The following LIPH variants were observed in gnomAD, a reference collection of about 807,000 sequenced individuals.
The protein encoded by LIPH is lipase H, also known as lipase member H.
LIPH carries 32 observed loss-of-function variants against 47.6 expected under a neutral mutation model. The ratio of observed to expected loss-of-function variants is 0.67; its 90% CI spans 0.51 to 0.90. The LOEUF (loss-of-function observed/expected upper bound fraction) is 0.90, where lower values mean the gene tolerates loss of function less well. Ranked by LOEUF, LIPH falls within the 40% of genes least tolerant of loss-of-function variation. LIPH has a pLI of 0.00. For synonymous variants in LIPH, 190 were observed against 195.6 expected (o/e 0.97, Z 0.24); for missense variants, 497 against 541.4 (o/e 0.92, Z 0.81).
intron 1 of LIPH, among the ~76,000 whole-genome samples, chr3:185,543,951 A>G (rs1178363374): frequency 6.6e-6 from 1 of 150,598 alleles, no homozygotes; most frequent in Non-Finnish European, 1.5e-5. Context: ...CCCGGGTTCA[A>G]GTGATTCTCC....
intron 8 of LIPH, 61 bp downstream of exon 8, chr3:185,514,349 A>G (rs1719659574): frequency 8.7e-6 from 7 of 807,670 alleles, no homozygotes; most frequent in South Asian, 5.3e-5. Context: ...TGGATTTGTG[A>G]TTTAATTTCT....
At chr3:185,535,827 T>C (rs1481002036) in intron 1 of LIPH, among the ~76,000 whole-genome samples, 2 of 152,126 alleles carry the variant, frequency 1.3e-5, no homozygotes, top group African/African-American at 4.8e-5. Flanking sequence ...GGTCTCGAAC[T>C]CCTGACCTAG....
Position 185,511,568 on chromosome 3 carries a change from G to A in LIPH, c.1224C>T (p.Leu408=). ...ACCTTAACTTCATTCGGAGAATCCT[G>A]AGCTTGTACCTTGGGCCTATTAGAG... ...TGSLIGPRYK[L]RILRMKLRSL... Residue 408 remains leucine (L), a synonymous_variant, in exon 9 of 10, where the codon CTC becomes CTT. Transcript: ENST00000296252. The A allele has an allele frequency of 6.2e-7, 1 of 1,614,138 alleles. No individual in the cohort carries two copies. The highest frequency in any genetic ancestry group is 8.5e-7 in the Non-Finnish European group (1 of 1,180,024).
At chr3:185,514,307 G>A (rs1353973247) in intron 8 of LIPH, 103 bp downstream of exon 8, 1 of 731,274 alleles carries the variant, frequency 1.4e-6, no homozygotes, top group East Asian at 2.5e-5. Context: ...ATAGAACAAG[G>A]AAAAGCATAG....
intron 1 of LIPH, among the ~76,000 whole-genome samples, chr3:185,549,994 T>G (rs943500438): frequency 1.3e-5 from 2 of 152,236 alleles, no homozygotes; most frequent in African/African-American, 4.8e-5. Context: ...AGCCATTGCT[T>G]TGTTCACTGG....
At chr3:185,531,556 CAAAAAA>C (rs1204988383) in intron 3 of LIPH, among the ~76,000 whole-genome samples, 1 of 73,142 alleles carries the variant, frequency 1.4e-5, no homozygotes, top group South Asian at 4.4e-4. Context: ...GACTCTGTCT[CAAAAAA>C]AAAAAAAAAA....
At chr3:185,539,669 C>A (rs1488754144) in intron 1 of LIPH, among the ~76,000 whole-genome samples, 1 of 152,194 alleles carries the variant, frequency 6.6e-6, no homozygotes, top group Non-Finnish European at 1.5e-5. Flanking sequence ...CCACGCCCGG[C>A]CGCATTTTAC....
chr3:185,530,021 C>A (rs977678612), intron 3 of LIPH, among the ~76,000 whole-genome samples: 2 of 152,044 alleles, frequency 1.3e-5, no homozygotes, highest in Non-Finnish European at 1.5e-5. Context: ...CGGTGGCATG[C>A]GCCTGTAGTC....
At chr3:185,515,157 C>A (rs935860356) in intron 7 of LIPH, among the ~76,000 whole-genome samples, 2 of 152,052 alleles carry the variant, frequency 1.3e-5, no homozygotes, top group Non-Finnish European at 2.9e-5. Flanking sequence ...TATTATTCAG[C>A]ACACTTTCCT....
At chr3:185,527,430 G>A (rs1374516563) in intron 4 of LIPH, 54 bp downstream of exon 4, 2 of 1,174,310 alleles carry the variant, frequency 1.7e-6, no homozygotes, top group Non-Finnish European at 2.6e-6. Context: ...CTCCCCAGGG[G>A]ACACTCTTTA....
chr3:185,508,923 T>C, intron 9 of LIPH, 46 bp from the exon 10 acceptor site: 1 of 1,095,238 alleles, frequency 9.1e-7, no homozygotes, highest in Non-Finnish European at 1.4e-6. Flanking sequence ...TTTATAAAAA[T>C]GCAATGGTCT....
In LIPH at chr3:185,508,610, G is replaced by T; in HGVS notation, c.*180C>A. ...GCCCTAGTTAGGGGCTCCTTCCCAG[G>T]ATCGTTTTATAATCACAAGGTTGTT... On this transcript the variant is annotated 3_prime_UTR_variant, in exon 10 of 10. Coordinates refer to ENST00000296252, the MANE Select transcript of LIPH (RefSeq NM_139248.3). 1 of 621,810 alleles carries T rather than the reference G, an allele frequency of 1.6e-6. No individual in the cohort carries two copies. Among genetic ancestry groups the T allele is most frequent in the Non-Finnish European group, 2.9e-6 (1 of 347,116 alleles). 38.5% of individuals were successfully genotyped at this position (621,810 alleles called of 1,614,324 possible). A position where few individuals can be genotyped will look rare whatever the true frequency, so the allele number is the denominator to read the frequency against.
chr3:185,522,650 AAAAGAAAGAAAGAAAG>A (rs59353669), intron 5 of LIPH, among the ~76,000 whole-genome samples: 44,285 of 141,560 alleles, frequency 0.31, 7,368 homozygotes, highest in South Asian at 0.37. Context: ...GAGAGAAAGA[AAAAGAAAGAAAGAAAG>A]AAAGAAAGAA....
intron 2 of LIPH, 152 bp from the exon 3 acceptor site, chr3:185,533,831 A>G: frequency 1.6e-6 from 1 of 631,418 alleles, no homozygotes; most frequent in Non-Finnish European, 2.8e-6. Flanking sequence ...TGCAAAGTAA[A>G]TACTATTCTT....
chr3:185,520,053 C>T (rs1446297223), intron 5 of LIPH, among the ~76,000 whole-genome samples: 1 of 151,952 alleles, frequency 6.6e-6, no homozygotes, highest in African/African-American at 2.4e-5. Flanking sequence ...GTCTTCCATG[C>T]GGTCCTGAAG....
At chr3:185,551,494 T>TA (rs1189086748) in intron 1 of LIPH, among the ~76,000 whole-genome samples, 1 of 152,168 alleles carries the variant, frequency 6.6e-6, no homozygotes, top group Non-Finnish European at 1.5e-5. Flanking sequence ...AAGGCTACTT[T>TA]AAAAAAATTA....
At chr3:185,517,931 G>T (rs1221626177) in intron 6 of LIPH, among the ~76,000 whole-genome samples, 1 of 152,068 alleles carries the variant, frequency 6.6e-6, no homozygotes, top group Non-Finnish European at 1.5e-5. Context: ...GAATATCCAA[G>T]CAGCCTCCAC....
chr3:185,542,945 C>A (rs1346377502), intron 1 of LIPH, among the ~76,000 whole-genome samples: 1 of 152,046 alleles, frequency 6.6e-6, no homozygotes. Flanking sequence ...TGGTGTCTCA[C>A]GCCTGTAATA....
chr3:185,549,527 T>G (rs1433041815), intron 1 of LIPH, among the ~76,000 whole-genome samples: 2 of 152,138 alleles, frequency 1.3e-5, no homozygotes, highest in Non-Finnish European at 2.9e-5. Flanking sequence ...GATAGCAGAG[T>G]AACTTTTAAA....
Sources: allele counts gnomAD v4.1 joint callset (sites outside exome capture counted in the v4.1 genomes callset), GRCh38; gene constraint gnomAD v4.1.1; transcripts MANE v1.5; gene names NCBI Gene and HGNC (gene_info 2026-07-23, HGNC 2026-07-21).